The following WNK3 variants were observed in gnomAD, a reference collection of about 807,000 sequenced individuals.
WNK3 encodes the protein WNK lysine deficient protein kinase 3, also known as serine/threonine-protein kinase WNK3.
In WNK3, 18 loss-of-function variants were observed where a neutral mutation model predicts 116.7. That is an observed-to-expected ratio of 0.15 (90% confidence interval 0.11 to 0.23). The LOEUF (loss-of-function observed/expected upper bound fraction) is 0.23, where lower values mean the gene tolerates loss of function less well. Among genes scored for constraint, WNK3 ranks in the 10% least tolerant of loss-of-function variants. The probability of loss-of-function intolerance (pLI) is 1.00; values close to 1 mark genes in which losing one functional copy is unlikely to be tolerated. For missense variants in WNK3, 993 were observed against 1,323.8 expected (o/e 0.75, Z 3.88); for synonymous variants, 404 against 469.4 (o/e 0.86, Z 1.80).
At chrX:54,251,913 AAATTAACTGG>A (rs2068134549) in intron 13 of WNK3, among the ~76,000 whole-genome samples, 1 of 109,205 alleles carries the variant, frequency 9.2e-6, no homozygotes, top group Non-Finnish European at 1.9e-5. Flanking sequence ...TAAAAATACA[AAATTAACTGG>A]GTATGATGGC....
At chrX:54,333,943 CTG>C (rs2069203023) in intron 1 of WNK3, among the ~76,000 whole-genome samples, 151 bp from the exon 2 acceptor site, 1 of 111,816 alleles carries the variant, frequency 8.9e-6, no homozygotes, top group Admixed American at 9.6e-5. Flanking sequence ...ACTCTAGGGA[CTG>C]TGTCTTATCT....
At chrX:54,314,977 T>C (rs1373421818) in intron 2 of WNK3, among the ~76,000 whole-genome samples, 2 of 110,434 alleles carry the variant, frequency 1.8e-5, no homozygotes, top group Non-Finnish European at 3.8e-5. Flanking sequence ...CTTTCTATCA[T>C]GCCACATAGA....
chrX:54,354,188 A>G (rs1418561134), intron 1 of WNK3, among the ~76,000 whole-genome samples: 1 of 111,968 alleles, frequency 8.9e-6, no homozygotes, highest in Non-Finnish European at 1.9e-5. Context: ...CAAATCTCAT[A>G]ACAAGCTCTA....
intron 15 of WNK3, 48 bp from the exon 16 acceptor site, chrX:54,250,179 T>C: frequency 1.8e-6 from 2 of 1,095,118 alleles, no homozygotes; most frequent in Non-Finnish European, 2.4e-6. Context: ...ATTTTCAATT[T>C]ATTTACCTTA....
At chrX:54,305,555 T>C (rs2068814318) in intron 5 of WNK3, among the ~76,000 whole-genome samples, 1 of 111,478 alleles carries the variant, frequency 9.0e-6, no homozygotes, top group African/African-American at 3.3e-5. Flanking sequence ...AGAAACTAGG[T>C]CATTTGTCCT....
chrX:54,319,870 C>T (rs908259321), intron 2 of WNK3, among the ~76,000 whole-genome samples: 46 of 111,776 alleles, frequency 4.1e-4, no homozygotes, highest in African/African-American at 1.5e-3. Context: ...AGAATTCTTA[C>T]ACAAGAAAGG....
chrX:54,274,628 A>G (rs1212802438), intron 10 of WNK3, among the ~76,000 whole-genome samples: 3 of 111,906 alleles, frequency 2.7e-5, no homozygotes, highest in Non-Finnish European at 5.6e-5. Flanking sequence ...CCTCTCAACC[A>G]GAGCTCACTG....
intron 1 of WNK3, among the ~76,000 whole-genome samples, chrX:54,339,001 C>CAAA (rs782133987): frequency 2.4e-5 from 1 of 41,299 alleles, no homozygotes; most frequent in Non-Finnish European, 4.5e-5. Flanking sequence ...GACTCTGTCT[C>CAAA]AAAAAAAAAA....
Position 54,300,297 on chromosome X carries a change from C to T in WNK3, c.1178+1474G>A, listed in dbSNP as rs186022085. 8.1e-5 allele frequency among the ~76,000 whole-genome samples: 9 copies of T among 110,767 alleles called. No homozygotes were observed. In the East Asian group the frequency reaches 1.7e-3, roughly 21 times the overall value. ...CCTCCCCAGGGGCTGGGACTACAGG[C>T]GTGTGACACTATGCCTGGCTAATTT... On this transcript the variant is annotated intron_variant, in intron 6 of 23. Coordinates refer to ENST00000354646, the Ensembl canonical transcript of WNK3.
upstream of WNK3, among the ~76,000 whole-genome samples, chrX:54,358,202 C>G (rs1001743262): frequency 9.0e-5 from 10 of 110,995 alleles, no homozygotes; most frequent in African/African-American, 3.3e-4. Context: ...CCTCCCGCCC[C>G]CCTCGGCGCC....
At chrX:54,358,326 C>T (rs1393191644), upstream of WNK3, among the ~76,000 whole-genome samples, 1 of 99,576 alleles carries the variant, frequency 1.0e-5, no homozygotes, top group Admixed American at 1.2e-4. Flanking sequence ...CTCTCGCTCT[C>T]TCTCAGCTGC....
intron 22 of WNK3, among the ~76,000 whole-genome samples, chrX:54,220,833 T>C (rs782425051): frequency 5.4e-5 from 6 of 111,367 alleles, no homozygotes; most frequent in Admixed American, 9.7e-5. Context: ...CCTATTAAAA[T>C]AGGATTCTAC....
intron 17 of WNK3, among the ~76,000 whole-genome samples, chrX:54,241,862 G>A (rs1248256102): frequency 1.8e-5 from 2 of 108,960 alleles, no homozygotes; most frequent in Non-Finnish European, 3.8e-5. Context: ...GCTGAGGCAG[G>A]AGAATTGCTT....
intron 1 of WNK3, among the ~76,000 whole-genome samples, chrX:54,352,584 G>A (rs1202991858): frequency 2.7e-5 from 3 of 111,479 alleles, no homozygotes; most frequent in African/African-American, 9.8e-5. Context: ...GGAGGCTGAG[G>A]TGGGAAGATT....
Position 54,237,473 on chromosome X carries a change from T to C in WNK3, c.4093A>G (p.Asn1365Asp), listed in dbSNP as rs781974747. The stretch of plus-strand genomic sequence containing the variant: ...ATAAAGGCTTCTTCACTAGAATGGT[T>C]TGTCTCACTGAACACTGATATGTGT... Residue 1365 changes from asparagine to aspartate, a missense_variant, in exon 20 of 24, where the codon AAC becomes GAC. Around this residue, in one of 4 missense-constraint regions of WNK3, gnomAD observed 836 missense variants for 976.5 expected, o/e 0.86. Coordinates refer to ENST00000354646, the Ensembl canonical transcript of WNK3. 5.0e-5 allele frequency: 60 copies of C among 1,199,188 alleles called. 1 individual carries two copies. The South Asian group carries it at 9.9e-4, about 20-fold the overall frequency.
At chrX:54,356,203 T>C (rs2069591030) in intron 1 of WNK3, among the ~76,000 whole-genome samples, 1 of 112,101 alleles carries the variant, frequency 8.9e-6, no homozygotes, top group Admixed American at 9.5e-5. Context: ...GAACAAAATG[T>C]TCACGTAATC....
intron 19 of WNK3, 117 bp from the exon 20 acceptor site, chrX:54,237,668 A>G (rs1557150575): frequency 2.7e-5 from 19 of 710,452 alleles, no homozygotes; most frequent in Non-Finnish European, 3.5e-5. Flanking sequence ...CCCCAAATTC[A>G]CTCTTTCAAT....
At chrX:54,290,321 T>C (rs2068625604) in intron 10 of WNK3, among the ~76,000 whole-genome samples, 1 of 110,041 alleles carries the variant, frequency 9.1e-6, no homozygotes, top group Non-Finnish European at 1.9e-5. Context: ...CTCCAGTAAC[T>C]GACAAGTCTA....
chrX:54,236,837 T>C, intron 20 of WNK3, 101 bp downstream of exon 20: 4 of 957,459 alleles, frequency 4.2e-6, no homozygotes, highest in Non-Finnish European at 5.6e-6. Flanking sequence ...TAGTTTTCAA[T>C]CATTAAAATG....
Sources: gnomAD v4.1 joint callset for allele counts (sites outside exome capture counted in the v4.1 genomes callset) on GRCh38, gnomAD v4.1.1 for gene constraint, gnomAD v4.1.1 regional missense constraint, MANE v1.5 for transcripts, NCBI Gene and HGNC (gene_info 2026-07-23, HGNC 2026-07-21) for gene names.